The following CHIC1 variants were observed in gnomAD, a reference collection of about 807,000 sequenced individuals.
The protein encoded by CHIC1 is cysteine-rich hydrophobic domain-containing protein 1.
A neutral mutation model predicts 18.5 loss-of-function variants in CHIC1; 7 were observed. The observed-to-expected ratio is 0.38, with a 90% CI of 0.22 to 0.71. The LOEUF (loss-of-function observed/expected upper bound fraction) is 0.71, where lower values mean the gene tolerates loss of function less well. Ranked by LOEUF, CHIC1 falls within the 30% of genes least tolerant of loss-of-function variation. CHIC1 has a pLI of 0.49. For missense variants in CHIC1, 159 were observed against 176.9 expected, an observed-to-expected ratio of 0.90 and a Z score of 0.57; for synonymous variants, 77 against 73.5, an observed-to-expected ratio of 1.05 and a Z score of -0.25.
At chrX:73,564,940 G>T (rs1234973006) in intron 1 of CHIC1, among the ~76,000 whole-genome samples, 1 of 108,715 alleles carries the variant, frequency 9.2e-6, no homozygotes, top group Non-Finnish European at 1.9e-5. Context: ...GGGACTACAG[G>T]CGTGATATGT....
chrX:73,641,218 A>AT lies in CHIC1; in HGVS notation c.508-38099dup, dbSNP rs544242432. On this transcript the variant is annotated intron_variant, in intron 3 of 5. Transcript: ENST00000373502. ...GTGGTCTGAGATTGTGGTTGGTATG[A>AT]TTTTTTTTTAATTTGCTGAGGATTG... 1.1e-3 allele frequency among the ~76,000 whole-genome samples: 116 copies of AT among 109,332 alleles called. 3 individuals carry two copies. The South Asian group carries it at 0.038, about 35-fold the overall frequency. 94.9% of individuals were successfully genotyped at this position (109,332 alleles called of 115,157 possible).
chrX:73,647,410 G>C (rs2057894619), intron 3 of CHIC1, among the ~76,000 whole-genome samples: 1 of 112,174 alleles, frequency 8.9e-6, no homozygotes, highest in Admixed American at 9.4e-5. Flanking sequence ...AGCTCCCTGG[G>C]GGGAGAGGCA....
intron 3 of CHIC1, among the ~76,000 whole-genome samples, chrX:73,658,422 G>GT (rs2057962700): frequency 9.3e-6 from 1 of 107,793 alleles, no homozygotes; most frequent in Non-Finnish European, 1.9e-5. Flanking sequence ...TAGTTTATGT[G>GT]TATAGAGGTA....
At chrX:73,589,842 A>C (rs2057572617) in intron 3 of CHIC1, among the ~76,000 whole-genome samples, 1 of 110,764 alleles carries the variant, frequency 9.0e-6, no homozygotes, top group Non-Finnish European at 1.9e-5. Flanking sequence ...TCTTTTTTTG[A>C]AGGATAATTT....
At chrX:73,671,393 CTT>C (rs1427458376) in intron 3 of CHIC1, among the ~76,000 whole-genome samples, 4 of 112,072 alleles carry the variant, frequency 3.6e-5, no homozygotes, top group Non-Finnish European at 7.5e-5. Context: ...TTATCCATCT[CTT>C]CTCTTCTAGA....
chrX:73,601,054 A>T (rs1476485767), intron 3 of CHIC1, among the ~76,000 whole-genome samples: 1 of 107,580 alleles, frequency 9.3e-6, no homozygotes, highest in Non-Finnish European at 1.9e-5. Flanking sequence ...ACCCAGATTC[A>T]TAAAGCAAGT....
At chrX:73,578,066 T>C (rs1172522700) in intron 2 of CHIC1, among the ~76,000 whole-genome samples, 5 of 110,021 alleles carry the variant, frequency 4.5e-5, no homozygotes, top group Admixed American at 9.7e-5. Flanking sequence ...TATTGTATTA[T>C]ATACTGGAAA....
intron 3 of CHIC1, among the ~76,000 whole-genome samples, chrX:73,640,038 G>A (rs1569503775): frequency 9.0e-6 from 1 of 111,135 alleles, no homozygotes; most frequent in Non-Finnish European, 1.9e-5. Flanking sequence ...TTACCTGATT[G>A]TCCTTGCCAG....
At chrX:73,588,553 GCAGTCATTT>G (rs2057564820) in intron 3 of CHIC1, among the ~76,000 whole-genome samples, 1 of 110,928 alleles carries the variant, frequency 9.0e-6, no homozygotes, top group African/African-American at 3.3e-5. Flanking sequence ...TATCCATTAA[GCAGTCATTT>G]CTCATTTTCC....
At chrX:73,601,442 A>G (rs1240248725) in intron 3 of CHIC1, among the ~76,000 whole-genome samples, 2 of 106,243 alleles carry the variant, frequency 1.9e-5, no homozygotes, top group African/African-American at 3.7e-5. Flanking sequence ...AAACTGAACA[A>G]CCTGCTCCCG....
At chrX:73,609,820 C>T (rs2057699486) in intron 3 of CHIC1, among the ~76,000 whole-genome samples, 1 of 109,502 alleles carries the variant, frequency 9.1e-6, no homozygotes, top group Non-Finnish European at 1.9e-5. Context: ...CAAGTTCTCT[C>T]TTCTAGCTAT....
intron 3 of CHIC1, among the ~76,000 whole-genome samples, chrX:73,628,461 G>A (rs1365236948): frequency 1.8e-5 from 2 of 111,964 alleles, no homozygotes; most frequent in Non-Finnish European, 3.8e-5. Context: ...CTCAAGTTCC[G>A]AATACTGGAA....
intron 2 of CHIC1, among the ~76,000 whole-genome samples, chrX:73,579,047 C>G (rs2057514569): frequency 9.1e-6 from 1 of 110,127 alleles, no homozygotes; most frequent in Non-Finnish European, 1.9e-5. Flanking sequence ...TTTCTTTTTT[C>G]AAGGAATATC....
intron 3 of CHIC1, among the ~76,000 whole-genome samples, chrX:73,649,322 A>T (rs753999308): frequency 8.9e-6 from 1 of 111,839 alleles, no homozygotes; most frequent in Non-Finnish European, 1.9e-5. Context: ...TAGGATCATG[A>T]TGACAGCATC....
At chrX:73,676,047 C>A (rs954650770) in intron 3 of CHIC1, among the ~76,000 whole-genome samples, 35 of 111,753 alleles carry the variant, frequency 3.1e-4, no homozygotes, top group African/African-American at 9.4e-4. Flanking sequence ...TTTAAGAATG[C>A]TGAATATTGG....
chrX:73,586,185 G>T (rs1432747856), intron 3 of CHIC1, among the ~76,000 whole-genome samples: 1 of 111,316 alleles, frequency 9.0e-6, no homozygotes, highest in Non-Finnish European at 1.9e-5. Flanking sequence ...TCAGCAGTTG[G>T]CTCTGAGTAG....
At chrX:73,631,336 G>A (rs1440657554) in intron 3 of CHIC1, among the ~76,000 whole-genome samples, 2 of 110,563 alleles carry the variant, frequency 1.8e-5, no homozygotes, top group Non-Finnish European at 3.8e-5. Context: ...TGTAAAATTA[G>A]GTTGTTTAGG....
chrX:73,584,087 G>C (rs925361854), intron 2 of CHIC1, among the ~76,000 whole-genome samples: 17 of 110,867 alleles, frequency 1.5e-4, no homozygotes, highest in Non-Finnish European at 3.0e-4. Flanking sequence ...AGAATGACTA[G>C]AGACTATCAA....
intron 3 of CHIC1, among the ~76,000 whole-genome samples, chrX:73,611,718 T>G (rs1427208221): frequency 6.5e-5 from 7 of 107,904 alleles, no homozygotes; most frequent in African/African-American, 1.8e-4. Context: ...CATTCTAACT[T>G]GTGTGAGATG....
Sources: allele counts gnomAD v4.1 joint callset (sites outside exome capture counted in the v4.1 genomes callset), GRCh38; gene constraint gnomAD v4.1.1; transcripts MANE v1.5; gene names NCBI Gene and HGNC (gene_info 2026-07-23, HGNC 2026-07-21).